EPPK1: variants seen among roughly 807,000 people sequenced by gnomAD.
The protein encoded by EPPK1 is epiplakin 1.
For synonymous variants in EPPK1, 1,862 were observed against 1,721.2 expected (o/e 1.08, Z -2.03); for missense variants, 3,823 against 3,673.3 (o/e 1.04, Z -1.05).
In EPPK1 at chr8:143,857,663, C is replaced by T. The variant is rs1329451154; in HGVS notation, c.*324G>A. 2 of 332,498 alleles carry T rather than the reference C, an allele frequency of 6.0e-6. No individual in the cohort carries two copies. The highest frequency in any genetic ancestry group is 1.1e-5 in the Non-Finnish European group (2 of 184,712). 20.6% of individuals were successfully genotyped at this position (332,498 alleles called of 1,614,324 possible). ...CCCGATGGCATGATGGACTGAGAGT[C>T]TAAAGAGTGACATTCTGTAAAATGG... On this transcript the variant is annotated 3_prime_UTR_variant, in exon 2 of 2. Coordinates refer to ENST00000615648, the MANE Select transcript of EPPK1 (RefSeq NM_031308.4).
rs1819159609 is a variant in EPPK1, at chr8:143,867,292, G to A, written c.5962C>T (p.Pro1988Ser). 4 of 1,612,396 alleles carry A rather than the reference G, an allele frequency of 2.5e-6. No homozygotes were observed. The highest frequency in any genetic ancestry group is 3.4e-6 in the Non-Finnish European group (4 of 1,179,622). Residue 1988 changes from proline (P) to serine (S), a missense_variant, in exon 2 of 2, where the codon CCG becomes TCG. Pro to Ser is a moderately conservative substitution (Grantham distance 74, BLOSUM62 -1). Coordinates refer to ENST00000615648, the MANE Select transcript of EPPK1 (RefSeq NM_031308.4). ...TGCTTCTGCATGGCCTGGAACAGCG[G>A]GATCGTGTCTCCTGTGGCCGGATCC... ...YRDPATGDTI[P>S]LFQAMQKQLI...
rs1554659415 is a variant in EPPK1 at position 143,867,315 on chromosome 8, T to C, written c.5939A>G (p.Asp1980Gly). The part of the protein sequence containing the change: ...KAERAATGYR[D>G]PATGDTIPLF... Reference sequence around the variant, plus strand: ...CGGGATCGTGTCTCCTGTGGCCGGATCCCTGTAGCCCGTGGCAGCTCTTTC... The same window carrying C: ...CGGGATCGTGTCTCCTGTGGCCGGACCCCTGTAGCCCGTGGCAGCTCTTTC... The change falls in exon 2 of 2, where the codon GAT becomes GGT. Residue 1980 changes from aspartate (D) to glycine (G), a missense_variant. Physicochemically the swap from Asp to Gly is moderately conservative, Grantham distance 94 (BLOSUM62 -1). Transcript: ENST00000615648. 6.2e-7 allele frequency: 1 copy of C among 1,612,646 alleles called. No individual in the cohort carries two copies. Among genetic ancestry groups the C allele is most frequent in the Admixed American group, 1.7e-5 (1 of 60,002 alleles).
At position 143,866,745 on chromosome 8, in the gene EPPK1, T is replaced by G. The variant is rs1299219693; in HGVS notation, c.6509A>C (p.Lys2170Thr). The change falls in exon 2 of 2, where the codon AAA becomes ACA. Residue 2170 changes from lysine to threonine, a missense_variant. Physicochemically the swap from Lys to Thr is moderately conservative, Grantham distance 78 (BLOSUM62 -1). Transcript: ENST00000615648. ...ELIEKQETSNKHLWFQGIRRQ... is the reference protein window; with the variant it reads ...ELIEKQETSNTHLWFQGIRRQ... ...TCTAATTCCTTGGAACCACAGGTGT[T>G]TGTTGCTGGTTTCCTGCTTCTCGAT... 6.2e-7 allele frequency: 1 copy of G among 1,613,476 alleles called. No individual in the cohort carries two copies. Among genetic ancestry groups the G allele is most frequent in the Non-Finnish European group, 8.5e-7 (1 of 1,179,866 alleles).
At position 143,857,682 on chromosome 8, in the gene EPPK1, A is replaced by T; in HGVS notation, c.*305T>A. 1 of 358,748 alleles carries T rather than the reference A, an allele frequency of 2.8e-6. No homozygotes were observed. The highest frequency in any genetic ancestry group is 9.8e-5 in the South Asian group (1 of 10,196). 22.2% of individuals were successfully genotyped at this position (358,748 alleles called of 1,614,324 possible). A position where few individuals can be genotyped will look rare whatever the true frequency, so the allele number is the denominator to read the frequency against. ...GAGAGTCTAAAGAGTGACATTCTGT[A>T]AAATGGAAGCAGTGAATCCAAAACA... On this transcript the variant is annotated 3_prime_UTR_variant, in exon 2 of 2. Transcript: ENST00000615648.
chr8:143,874,820 C>T (rs1475138189), intron 1 of EPPK1, among the ~76,000 whole-genome samples: 1 of 152,106 alleles, frequency 6.6e-6, no homozygotes, highest in Non-Finnish European at 1.5e-5. Flanking sequence ...CCATGACAAC[C>T]TTTCCCTACC....
chr8:143,866,297 G>A lies in EPPK1; in HGVS notation c.6957C>T (p.Ile2319=). ...GYTDPYTGQQ[I]SLFQAMQKDL... is the part of the protein sequence containing the mutation. Reference sequence around the variant, plus strand: ...CCTTCTGCATGGCCTGGAAGAGGGAGATCTGCTGCCCGGTGTAGGGGTCGG... The same window carrying A: ...CCTTCTGCATGGCCTGGAAGAGGGAAATCTGCTGCCCGGTGTAGGGGTCGG... Residue 2319 remains isoleucine (I), a synonymous_variant, in exon 2 of 2, where the codon ATC becomes ATT. Coordinates refer to ENST00000615648, the MANE Select transcript of EPPK1 (RefSeq NM_031308.4). 2.0e-6 allele frequency: 1 copy of A among 510,860 alleles called. No individual in the cohort carries two copies. 31.6% of individuals were successfully genotyped at this position (510,860 alleles called of 1,614,324 possible).
Position 143,869,534 on chromosome 8 carries a change from G to A in EPPK1, c.3720C>T (p.Ala1240=), listed in dbSNP as rs1428039457. Residue 1240 remains alanine (A), a synonymous_variant, in exon 2 of 2, where the codon GCC becomes GCT. Coordinates refer to ENST00000615648, the MANE Select transcript of EPPK1 (RefSeq NM_031308.4). Reference sequence around the variant, plus strand: ...CCACGCAGCCTGTGCCCCACAGGCAGGCCTTCACCGCCGGCTGCTCGGCGA... The same window carrying A: ...CCACGCAGCCTGTGCCCCACAGGCAAGCCTTCACCGCCGGCTGCTCGGCGA... The part of the protein sequence containing the change: ...AQVAEQPAVK[A]CLWGTGCVAG... The A allele has an allele frequency of 1.4e-5, 22 of 1,562,092 alleles. No individual in the cohort carries two copies. The highest frequency in any genetic ancestry group is 1.9e-5 in the Non-Finnish European group (22 of 1,156,832).
rs1428577454 is a variant in EPPK1, at chr8:143,868,016, A to G, written c.5238T>C (p.Cys1746=). Residue 1746 remains cysteine (C), a synonymous_variant, in exon 2 of 2, where the codon TGT becomes TGC. Coordinates refer to ENST00000615648, the MANE Select transcript of EPPK1 (RefSeq NM_031308.4). ...ACAGGCCCGTCTCGGGGTCCTCCAC[A>G]CAGCGCTCCAGAAGCTGCAGGTACG... The part of the protein sequence containing the change: ...NLTYLQLLER[C]VEDPETGLYL... 15 of 1,613,578 alleles carry G rather than the reference A, an allele frequency of 9.3e-6. No homozygotes were observed. The highest frequency in any genetic ancestry group is 3.3e-4 in the Middle Eastern group (2 of 6,062).
rs782325354 is a variant in EPPK1, at chr8:143,872,886, G to A, written c.368C>T (p.Pro123Leu). ...LAAERATTGY[P>L]DPYGGEKLAL... ...CAGCTTCTCACCGCCGTAGGGGTCAGGATAGCCCGTAGTGGCACGCTCAGC... is the reference window on the plus strand; with the variant it reads ...CAGCTTCTCACCGCCGTAGGGGTCAAGATAGCCCGTAGTGGCACGCTCAGC... Residue 123 changes from proline (P) to leucine (L), a missense_variant, in exon 2 of 2, where the codon CCT becomes CTT. Coordinates refer to ENST00000615648, the MANE Select transcript of EPPK1 (RefSeq NM_031308.4). 17 of 1,601,250 alleles carry A rather than the reference G, an allele frequency of 1.1e-5. No homozygotes were observed. Among genetic ancestry groups the A allele is most frequent in the Non-Finnish European group, 1.4e-5 (17 of 1,173,962 alleles).
Position 143,866,659 on chromosome 8 carries a change from C to T in EPPK1, c.6595G>A (p.Asp2199Asn), listed in dbSNP as rs781845353. The change falls in exon 2 of 2, where the codon GAC becomes AAC. Residue 2199 changes from aspartate to asparagine, a missense_variant. Coordinates refer to ENST00000615648, the MANE Select transcript of EPPK1 (RefSeq NM_031308.4). ...GTCGTGCTCCGTCCCGTTTCCAGGTCCTGGAGCATTTCCTCCGTGATTATG... is the reference window on the plus strand; with the variant it reads ...GTCGTGCTCCGTCCCGTTTCCAGGTTCTGGAGCATTTCCTCCGTGATTATG... The part of the protein sequence containing the change: ...SAIITEEMLQ[D>N]LETGRSTTQE... 7 of 1,613,158 alleles carry T rather than the reference C, an allele frequency of 4.3e-6. No homozygotes were observed. The highest frequency in any genetic ancestry group is 1.1e-5 in the South Asian group (1 of 91,092).
intron 1 of EPPK1, among the ~76,000 whole-genome samples, chr8:143,876,931 C>A (rs1245308758): frequency 2.6e-5 from 4 of 152,178 alleles, no homozygotes; most frequent in African/African-American, 9.6e-5. Context: ...CTTGGGCGGG[C>A]CCCTGACCTG....
In EPPK1 at chr8:143,867,938, G is replaced by T; in HGVS notation, c.5316C>A (p.Ala1772=). Residue 1772 remains alanine, a synonymous_variant, in exon 2 of 2, where the codon GCC becomes GCA. Transcript: ENST00000615648. ...KGENYVYINE[A]TRHVLQSRTA... Reference sequence around the variant, plus strand: ...TTCTGGATTGCAACACGTGTCTCGTGGCCTCATTGATGTACACGTAGTTTT... The same window carrying T: ...TTCTGGATTGCAACACGTGTCTCGTTGCCTCATTGATGTACACGTAGTTTT... 6.2e-7 allele frequency: 1 copy of T among 1,613,648 alleles called. No homozygotes were observed. The highest frequency in any genetic ancestry group is 8.5e-7 in the Non-Finnish European group (1 of 1,179,896).
In EPPK1 at chr8:143,871,610, G is replaced by T. The variant is rs1554661245; in HGVS notation, c.1644C>A (p.Thr548=). ...TGGCAGTGGCTGCAGCCTGCTCGAG[G>T]GTGGCGCTCAGCTTAGCGGCCAGCT... is the stretch of plus-strand genomic sequence containing the variant. ...VEKLAAKLSA[T]LEQAAATARV... Residue 548 remains threonine (T), a synonymous_variant, in exon 2 of 2, where the codon ACC becomes ACA. Coordinates refer to ENST00000615648, the MANE Select transcript of EPPK1 (RefSeq NM_031308.4). 6.2e-7 allele frequency: 1 copy of T among 1,608,134 alleles called. No individual in the cohort carries two copies. Among genetic ancestry groups the T allele is most frequent in the South Asian group, 1.1e-5 (1 of 90,306 alleles).
Position 143,872,239 on chromosome 8 carries a change from C to G in EPPK1, c.1015G>C (p.Val339Leu). The G allele has an allele frequency of 6.2e-7, 1 of 1,609,894 alleles. No individual in the cohort carries two copies. The highest frequency in any genetic ancestry group is 2.2e-5 in the East Asian group (1 of 44,854). ...VDPITGQRLW[V>L]DEAVRAGLVS... ...AGGCCCGCCCTGACTGCCTCGTCTACCCACAGCCGCTGGCCTGTGATGGGG... is the reference window on the plus strand; with the variant it reads ...AGGCCCGCCCTGACTGCCTCGTCTAGCCACAGCCGCTGGCCTGTGATGGGG... The change falls in exon 2 of 2, where the codon GTA becomes CTA. Residue 339 changes from valine to leucine, a missense_variant. Val to Leu is a conservative substitution (Grantham distance 32). Transcript: ENST00000615648.
rs569264087 is a variant in EPPK1, at chr8:143,873,604, C to T, written c.-45-306G>A. Among the ~76,000 whole-genome samples the T allele has an allele frequency of 1.2e-4, 19 of 152,156 alleles. 1 individual carries two copies. Among genetic ancestry groups the T allele is most frequent in the South Asian group, 1.2e-3 (6 of 4,824 alleles). The stretch of plus-strand genomic sequence containing the variant: ...CCTCCACCCCAGGCCAACGCCCTCC[C>T]GCCAGCCCAGGGTCCTGTGTCCTCG... On this transcript the variant is annotated intron_variant, in intron 1 of 1. Coordinates refer to ENST00000615648, the MANE Select transcript of EPPK1 (RefSeq NM_031308.4).
chr8:143,866,893 T>A lies in EPPK1; in HGVS notation c.6361A>T (p.Thr2121Ser), dbSNP rs542970349. The A allele has an allele frequency of 6.2e-7, 1 of 1,613,176 alleles. No homozygotes were observed. Among genetic ancestry groups the A allele is most frequent in the African/African-American group, 1.3e-5 (1 of 75,044 alleles). Reference sequence around the variant, plus strand: ...TCGGAATTCAGTAGTGCCCACAGTGTTGGTTTCTGGCCTCTGAACCTTCCC... The same window carrying A: ...TCGGAATTCAGTAGTGCCCACAGTGATGGTTTCTGGCCTCTGAACCTTCCC... ...TVGRFRGQKP[T>S]LWALLNSEYV... is the part of the protein sequence containing the mutation. Residue 2121 changes from threonine (T) to serine (S), a missense_variant, in exon 2 of 2, where the codon ACA becomes TCA. By Grantham distance (58) the Thr-to-Ser change is moderately conservative. Transcript: ENST00000615648.
Position 143,867,138 on chromosome 8 carries a change from T to C in EPPK1, c.6116A>G (p.Asp2039Gly). 1 of 1,612,812 alleles carries C rather than the reference T, an allele frequency of 6.2e-7. No homozygotes were observed. Among genetic ancestry groups the C allele is most frequent in the South Asian group, 1.1e-5 (1 of 91,066 alleles). The change falls in exon 2 of 2, where the codon GAC (aspartate) becomes GGC (glycine). Residue 2039 changes from aspartate to glycine, a missense_variant. Physicochemically the swap from Asp to Gly is moderately conservative, Grantham distance 94. Coordinates refer to ENST00000615648, the MANE Select transcript of EPPK1 (RefSeq NM_031308.4). ...TAYRRGCLHK[D>G]IYALISDQKH... ...CTGGTCGGAAATGAGCGCATAGATG[T>C]CCTTGTGCAGACAGCCCCGTCTGTA...
intron 1 of EPPK1, 62 bp downstream of exon 1, chr8:143,878,376 C>CCCGCATCCG (rs1819525128): frequency 7.2e-6 from 1 of 139,288 alleles, no homozygotes; most frequent in African/African-American, 2.8e-5. Context: ...GCCGCACCTG[C>CCCGCATCCG]CCGCACCCGC....
At position 143,867,620 on chromosome 8, in the gene EPPK1, A is replaced by C. The variant is rs782021058; in HGVS notation, c.5634T>G (p.Thr1878=). The C allele has an allele frequency of 6.2e-7, 1 of 1,613,222 alleles. No homozygotes were observed. Among genetic ancestry groups the C allele is most frequent in the Non-Finnish European group, 8.5e-7 (1 of 1,179,850 alleles). ...KTLHTLRVGR[T]GGQALSTLEC... Reference sequence around the variant, plus strand: ...CCAGCGTGCTGAGTGCCTGTCCCCCAGTCCTCCCCACACGAAGTGTGTGCA... The same window carrying C: ...CCAGCGTGCTGAGTGCCTGTCCCCCCGTCCTCCCCACACGAAGTGTGTGCA... The change falls in exon 2 of 2, where the codon ACT becomes ACG. Residue 1878 remains threonine, a synonymous_variant. Coordinates refer to ENST00000615648, the MANE Select transcript of EPPK1 (RefSeq NM_031308.4).
Sources: gnomAD v4.1 joint callset for allele counts (sites outside exome capture counted in the v4.1 genomes callset) on GRCh38, gnomAD v4.1.1 for gene constraint, MANE v1.5 for transcripts, NCBI Gene and HGNC (gene_info 2026-07-23, HGNC 2026-07-21) for gene names.